Variants in KIAA1217 observed in about 807,000 individuals in gnomAD.
KIAA1217 encodes sickle tail protein homolog.
KIAA1217 carries 88 observed loss-of-function variants against 163.9 expected under a neutral mutation model. That is an observed-to-expected ratio of 0.54 (90% CI 0.45 to 0.64). The LOEUF is 0.64. Ranked by LOEUF, KIAA1217 falls within the 30% of genes least tolerant of loss-of-function variation. The pLI, the probability that KIAA1217 is intolerant of heterozygous loss-of-function variation, is 0.00. For synonymous variants in KIAA1217, 903 were observed against 923.1 expected (o/e 0.98, Z 0.39); for missense variants, 2,372 against 2,475.0 (o/e 0.96, Z 0.88).
At chr10:23,822,268 C>T (rs917300125) in intron 1 of KIAA1217, among the ~76,000 whole-genome samples, 1 of 152,146 alleles carries the variant, frequency 6.6e-6, no homozygotes, top group African/African-American at 2.4e-5. Flanking sequence ...CCTAAAAGTT[C>T]TGGAAGCCCT....
intron 1 of KIAA1217, among the ~76,000 whole-genome samples, chr10:23,826,699 T>C (rs1182981402): frequency 6.6e-6 from 1 of 152,132 alleles, no homozygotes; most frequent in African/African-American, 2.4e-5. Context: ...TGGTGTGTAG[T>C]TGCTGTTCTT....
intron 2 of KIAA1217, among the ~76,000 whole-genome samples, chr10:24,272,154 G>A (rs967682430): frequency 2.0e-5 from 3 of 152,136 alleles, no homozygotes; most frequent in East Asian, 3.8e-4. Context: ...TCCCATTCCT[G>A]TAACAGATAG....
chr10:24,399,241 G>A lies in KIAA1217; in HGVS notation c.553+18174G>A, dbSNP rs373882495. Among the ~76,000 whole-genome samples, 17 of 152,200 alleles carry A rather than the reference G, an allele frequency of 1.1e-4. No homozygotes were observed. In the East Asian group the frequency reaches 2.9e-3, roughly 26 times the overall value. On this transcript the variant is annotated intron_variant, in intron 3 of 20. Coordinates refer to ENST00000376454, the MANE Select transcript of KIAA1217 (RefSeq NM_019590.5). Reference sequence around the variant, plus strand: ...GATGAACTGAGGTTTTTTTCTTAATGTCTATTGCATTCTAAGGTAGGACAT... The same window carrying A: ...GATGAACTGAGGTTTTTTTCTTAATATCTATTGCATTCTAAGGTAGGACAT...
At chr10:24,358,251 G>A (rs1466603199) in intron 2 of KIAA1217, among the ~76,000 whole-genome samples, 1 of 152,036 alleles carries the variant, frequency 6.6e-6, no homozygotes, top group African/African-American at 2.4e-5. Flanking sequence ...TGTTATGGAG[G>A]CAAAAATAAG....
At chr10:23,865,475 C>T (rs2131145868) in intron 1 of KIAA1217, among the ~76,000 whole-genome samples, 1 of 152,182 alleles carries the variant, frequency 6.6e-6, no homozygotes, top group Admixed American at 6.5e-5. Context: ...AAGAATTTAA[C>T]TCTCAATATT....
intron 2 of KIAA1217, among the ~76,000 whole-genome samples, chr10:24,326,245 A>T (rs909710264): frequency 1.3e-5 from 2 of 152,198 alleles, no homozygotes; most frequent in African/African-American, 4.8e-5. Context: ...CTACCATTTT[A>T]ATCATTGTCT....
chr10:24,099,591 T>A (rs957715104), intron 2 of KIAA1217, among the ~76,000 whole-genome samples: 3 of 146,462 alleles, frequency 2.0e-5, no homozygotes, highest in African/African-American at 7.5e-5. Flanking sequence ...ATATATTATA[T>A]ATATATATTT....
intron 1 of KIAA1217, among the ~76,000 whole-genome samples, chr10:23,696,136 T>C (rs1836022424): frequency 6.6e-6 from 1 of 152,244 alleles, no homozygotes. Flanking sequence ...TTTTGGGCTC[T>C]CTCCTTCCTA....
At chr10:23,792,668 A>T (rs1390578388) in intron 1 of KIAA1217, among the ~76,000 whole-genome samples, 129 of 129,550 alleles carry the variant, frequency 1.0e-3, no homozygotes, top group Non-Finnish European at 1.9e-3. Flanking sequence ...AATTTTTTGT[A>T]TTTTTTTTTT....
intron 19 of KIAA1217, among the ~76,000 whole-genome samples, 194 bp from the exon 20 acceptor site, chr10:24,544,787 C>A (rs1416368130): frequency 1.3e-5 from 2 of 152,138 alleles, no homozygotes; most frequent in Admixed American, 1.3e-4. Context: ...CATTAAAATC[C>A]GTTTGATCAG....
intron 1 of KIAA1217, among the ~76,000 whole-genome samples, chr10:23,934,621 ATATATT>A (rs1843438990): frequency 1.6e-5 from 1 of 61,738 alleles, no homozygotes; most frequent in African/African-American, 1.8e-4. Flanking sequence ...ATATATATAT[ATATATT>A]TTTTTTTTGA....
chr10:24,236,578 A>G (rs1228231734), intron 2 of KIAA1217, among the ~76,000 whole-genome samples: 2 of 151,816 alleles, frequency 1.3e-5, no homozygotes, highest in Non-Finnish European at 2.9e-5. Flanking sequence ...CAGGCCATAA[A>G]TAGTTAAGTC....
At chr10:23,967,572 T>C (rs1845118485) in intron 1 of KIAA1217, among the ~76,000 whole-genome samples, 1 of 152,190 alleles carries the variant, frequency 6.6e-6, no homozygotes, top group African/African-American at 2.4e-5. Context: ...ATATCACTTA[T>C]TAGAATGCTA....
intron 2 of KIAA1217, among the ~76,000 whole-genome samples, chr10:24,176,808 C>A (rs372593681): frequency 6.6e-6 from 1 of 152,156 alleles, no homozygotes; most frequent in Non-Finnish European, 1.5e-5. Context: ...TCAAGCCATG[C>A]GGTAGCCCAC....
intron 2 of KIAA1217, among the ~76,000 whole-genome samples, chr10:24,328,301 G>A (rs921624634): frequency 1.3e-5 from 2 of 152,134 alleles, no homozygotes; most frequent in Non-Finnish European, 2.9e-5. Flanking sequence ...AGGGAGGGGA[G>A]TTGGTCAACA....
chr10:24,161,531 A>G (rs1055573930), intron 2 of KIAA1217, among the ~76,000 whole-genome samples: 1 of 152,214 alleles, frequency 6.6e-6, no homozygotes, highest in African/African-American at 2.4e-5. Flanking sequence ...CTATGTGACA[A>G]TGGATCATGG....
At chr10:24,156,613 G>A (rs2131873649) in intron 2 of KIAA1217, among the ~76,000 whole-genome samples, 1 of 152,222 alleles carries the variant, frequency 6.6e-6, no homozygotes, top group South Asian at 2.1e-4. Flanking sequence ...CCAGAGCCTG[G>A]AATCCCCTAC....
chr10:23,867,263 G>T (rs1840237885), intron 1 of KIAA1217, among the ~76,000 whole-genome samples: 1 of 151,946 alleles, frequency 6.6e-6, no homozygotes, highest in South Asian at 2.1e-4. Context: ...TTGGACATTT[G>T]GGTTGGTTCC....
At chr10:23,778,028 C>T (rs554031936) in intron 1 of KIAA1217, among the ~76,000 whole-genome samples, 4 of 150,892 alleles carry the variant, frequency 2.7e-5, no homozygotes, top group Admixed American at 6.6e-5. Flanking sequence ...CTGTAACCAC[C>T]GCCTCCGGGT....
Sources: gnomAD v4.1 joint callset for allele counts (sites outside exome capture counted in the v4.1 genomes callset) on GRCh38, gnomAD v4.1.1 for gene constraint, MANE v1.5 for transcripts, NCBI Gene and HGNC (gene_info 2026-07-23, HGNC 2026-07-21) for gene names.